The following GSTA2 variants were observed in gnomAD, a reference collection of about 807,000 sequenced individuals.
GSTA2 encodes the protein glutathione S-transferase A2.
Under a neutral mutation model 22.4 loss-of-function variants are expected in GSTA2, and 27 were observed. That is an observed-to-expected ratio of 1.21 (90% CI 0.89 to 1.67). The LOEUF (loss-of-function observed/expected upper bound fraction) is 1.67, where lower values mean the gene tolerates loss of function less well. Among genes scored for constraint, GSTA2 ranks in the 40% most tolerant of loss-of-function variants. The pLI is 0.00. For synonymous variants in GSTA2, 121 were observed against 86.8 expected (o/e 1.39, Z -2.19); for missense variants, 302 against 260.2 (o/e 1.16, Z -1.11).
intron 6 of GSTA2, 76 bp from the exon 7 acceptor site, chr6:52,750,775 T>C (rs1256616769): frequency 1.9e-6 from 3 of 1,557,690 alleles, no homozygotes; most frequent in Non-Finnish European, 2.6e-6. Flanking sequence ...ACCCAGGGAA[T>C]CTGAGTCCCT....
intron 4 of GSTA2, among the ~76,000 whole-genome samples, chr6:52,753,819 A>C (rs1462794009): frequency 1.3e-5 from 2 of 152,174 alleles, no homozygotes; most frequent in East Asian, 3.8e-4. Flanking sequence ...CTAATTGCAG[A>C]ATTATTTTTG....
At chr6:52,754,502 T>A (rs1167200989) in intron 4 of GSTA2, among the ~76,000 whole-genome samples, 2 of 152,212 alleles carry the variant, frequency 1.3e-5, no homozygotes, top group African/African-American at 4.8e-5. Context: ...TTTAGGTTCC[T>A]GTTCATCATA....
chr6:52,760,219 A>G (rs1007815828), intron 1 of GSTA2, among the ~76,000 whole-genome samples: 7 of 152,182 alleles, frequency 4.6e-5, no homozygotes, highest in Admixed American at 4.6e-4. Context: ...CCAATCCCCA[A>G]AATAAACTCT....
chr6:52,750,834 A>C, intron 6 of GSTA2, 135 bp from the exon 7 acceptor site: 1 of 1,001,412 alleles, frequency 1.0e-6, no homozygotes, highest in African/African-American at 1.6e-5. Context: ...AGGCAGAAAC[A>C]GACACCCAGT....
At chr6:52,750,776 C>T in intron 6 of GSTA2, 77 bp from the exon 7 acceptor site, 1 of 1,563,278 alleles carries the variant, frequency 6.4e-7, no homozygotes, top group Non-Finnish European at 8.7e-7. Flanking sequence ...CCCAGGGAAT[C>T]TGAGTCCCTC....
At chr6:52,750,757 T>A (rs1240583416) in intron 6 of GSTA2, 58 bp from the exon 7 acceptor site, 5 of 1,595,088 alleles carry the variant, frequency 3.1e-6, no homozygotes, top group African/African-American at 1.3e-5. Flanking sequence ...GACACCCCCA[T>A]TAACATGACC....
chr6:52,756,452 C>G (rs956760539), intron 2 of GSTA2, 143 bp from the exon 3 acceptor site: 1 of 632,082 alleles, frequency 1.6e-6, no homozygotes, highest in Non-Finnish European at 2.8e-6. Context: ...CTAGTCATGG[C>G]CATTTGGAAA....
chr6:52,756,177 T>G (rs1762840142), intron 3 of GSTA2, 81 bp downstream of exon 3: 1 of 895,220 alleles, frequency 1.1e-6, no homozygotes, highest in Non-Finnish European at 1.9e-6. Context: ...CCCACACCCA[T>G]AGACATTGCC....
intron 5 of GSTA2, 66 bp downstream of exon 5, chr6:52,752,788 C>T: frequency 1.3e-6 from 2 of 1,599,180 alleles, no homozygotes; most frequent in Non-Finnish European, 1.7e-6. Flanking sequence ...CCCAGGAATG[C>T]CCAGCCACTA....
rs1230334307 is a variant in GSTA2 at position 52,753,004 on chromosome 6, C to A, written c.273-9G>T. ...CTATATACATATCAATCCTGAAAGACAAAAACAACCAAATGGTCAAATATC... is the reference window on the plus strand; with the variant it reads ...CTATATACATATCAATCCTGAAAGAAAAAAACAACCAAATGGTCAAATATC... On this transcript the variant is annotated splice_polypyrimidine_tract_variant and intron_variant, in intron 4 of 6. Transcript: ENST00000493422. 5 of 1,580,126 alleles carry A rather than the reference C, an allele frequency of 3.2e-6. No homozygotes were observed. Among genetic ancestry groups the A allele is most frequent in the African/African-American group, 1.4e-5 (1 of 73,628 alleles).
chr6:52,756,857 G>T (rs544272075), intron 2 of GSTA2, among the ~76,000 whole-genome samples: 2 of 152,244 alleles, frequency 1.3e-5, no homozygotes, highest in African/African-American at 2.4e-5. Flanking sequence ...TCTGAAGTAC[G>T]TGAGACACAA....
At chr6:52,758,746 T>A (rs1287788011) in intron 1 of GSTA2, among the ~76,000 whole-genome samples, 1 of 152,248 alleles carries the variant, frequency 6.6e-6, no homozygotes, top group Non-Finnish European at 1.5e-5. Context: ...TCTAACTCTA[T>A]GGGGTGCATT....
chr6:52,750,549 C>A lies in GSTA2; in HGVS notation c.*28G>T. 6.2e-7 allele frequency: 1 copy of A among 1,611,204 alleles called. No homozygotes were observed. The highest frequency in any genetic ancestry group is 8.5e-7 in the Non-Finnish European group (1 of 1,178,140). ...GCAAAACTTTAGAATACTGGTCTTG[C>A]ATGTTCTTGACCTCTATGGCTGGTT... is the stretch of plus-strand genomic sequence containing the variant. On this transcript the variant is annotated 3_prime_UTR_variant, in exon 7 of 7. Transcript: ENST00000493422.
chr6:52,761,400 C>A (rs1422256191), intron 1 of GSTA2, among the ~76,000 whole-genome samples: 2 of 152,130 alleles, frequency 1.3e-5, no homozygotes, highest in African/African-American at 4.8e-5. Flanking sequence ...GTATCTATCT[C>A]TCTGTAATCT....
At chr6:52,755,215 CTTTTTT>C in intron 3 of GSTA2, 140 bp from the exon 4 acceptor site, 3 of 709,032 alleles carry the variant, frequency 4.2e-6, no homozygotes, top group South Asian at 2.1e-5. Context: ...CTTGAAACAA[CTTTTTT>C]TTTTTTTTTT....
chr6:52,751,210 A>C (rs985500540), intron 6 of GSTA2, among the ~76,000 whole-genome samples: 1 of 152,202 alleles, frequency 6.6e-6, no homozygotes, highest in African/African-American at 2.4e-5. Context: ...GGAGGAAACC[A>C]GATGGAAAGG....
chr6:52,751,821 G>T, intron 5 of GSTA2, 113 bp from the exon 6 acceptor site: 1 of 1,464,460 alleles, frequency 6.8e-7, no homozygotes, highest in Non-Finnish European at 9.5e-7. Context: ...CTTACTGCAT[G>T]GATGCAGAAA....
chr6:52,757,966 G>C lies in GSTA2; in HGVS notation c.-19C>G. ...CTGCCATGGTAGCAGTCTCCTGGAG[G>C]TTTCTCTAAGCCTGAGTGAATGAAT... On this transcript the variant is annotated 5_prime_UTR_variant, in exon 2 of 7. Transcript: ENST00000493422. 6.4e-7 allele frequency: 1 copy of C among 1,563,316 alleles called. No homozygotes were observed. Among genetic ancestry groups the C allele is most frequent in the Non-Finnish European group, 8.8e-7 (1 of 1,134,694 alleles).
At chr6:52,758,921 A>G (rs368112278) in intron 1 of GSTA2, among the ~76,000 whole-genome samples, 1 of 152,190 alleles carries the variant, frequency 6.6e-6, no homozygotes. Context: ...TTCTCATTTT[A>G]CATTTGAGGA....
Sources: gnomAD v4.1 joint callset for allele counts (sites outside exome capture counted in the v4.1 genomes callset) on GRCh38, gnomAD v4.1.1 for gene constraint, MANE v1.5 for transcripts, NCBI Gene and HGNC (gene_info 2026-07-23, HGNC 2026-07-21) for gene names.